The following VAV3 variants were observed in gnomAD, a reference collection of about 807,000 sequenced individuals.
VAV3 encodes the protein vav guanine nucleotide exchange factor 3.
VAV3 carries 94 observed loss-of-function variants against 131.2 expected under a neutral mutation model. That is an observed-to-expected ratio of 0.72 (90% CI 0.61 to 0.85). The LOEUF (loss-of-function observed/expected upper bound fraction) is 0.85, where lower values mean the gene tolerates loss of function less well. Ranked by LOEUF, VAV3 falls within the 40% of genes least tolerant of loss-of-function variation. The pLI is 0.00. For missense variants in VAV3, 939 were observed against 1,002.7 expected (o/e 0.94, Z 0.86); for synonymous variants, 349 against 342.0 (o/e 1.02, Z -0.22).
rs117505667 is a variant in VAV3 at position 107,663,063 on chromosome 1, G to A, written c.1778-20308C>T. On this transcript the variant is annotated intron_variant, in intron 19 of 26. Transcript: ENST00000370056. ...GAATTTATGTTTTAAGAATATATGC[G>A]GTAAATCCACATTCTTGTATAAACC... Among the ~76,000 whole-genome samples, 141 of 152,082 alleles carry A rather than the reference G, an allele frequency of 9.3e-4. 2 individuals are homozygous for A. The East Asian group carries it at 0.025, about 27-fold the overall frequency.
chr1:107,602,072 C>T (rs943294669), intron 24 of VAV3, among the ~76,000 whole-genome samples: 1 of 151,918 alleles, frequency 6.6e-6, no homozygotes, highest in Non-Finnish European at 1.5e-5. Context: ...AAAATACTGT[C>T]CTCTGCCTGA....
At chr1:107,898,812 C>T (rs1222655047) in intron 1 of VAV3, among the ~76,000 whole-genome samples, 1 of 151,978 alleles carries the variant, frequency 6.6e-6, no homozygotes, top group Non-Finnish European at 1.5e-5. Context: ...AAAAACAAAA[C>T]ATCTTTTAAA....
intron 2 of VAV3, among the ~76,000 whole-genome samples, chr1:107,826,083 T>C (rs1667997687): frequency 6.6e-6 from 1 of 152,182 alleles, no homozygotes. Context: ...TCTCCACTTG[T>C]ACAAGTTTAT....
intron 15 of VAV3, among the ~76,000 whole-genome samples, chr1:107,731,663 G>T (rs913411756): frequency 2.0e-5 from 3 of 152,120 alleles, no homozygotes; most frequent in African/African-American, 7.2e-5. Flanking sequence ...TACAGTGAAA[G>T]CTAACCAAAG....
chr1:107,918,703 A>AT (rs765085890), intron 1 of VAV3, among the ~76,000 whole-genome samples: 51 of 119,882 alleles, frequency 4.3e-4, no homozygotes, highest in African/African-American at 9.2e-4. Flanking sequence ...ATATATATAT[A>AT]TATTTTTTTT....
chr1:107,596,376 G>C (rs1651386979), intron 24 of VAV3, 35 bp from the exon 25 acceptor site: 1 of 1,607,450 alleles, frequency 6.2e-7, no homozygotes, highest in Middle Eastern at 1.7e-4. Context: ...TTTTTGATAA[G>C]GATACTTTTG....
At chr1:107,868,949 G>A (rs1212041174) in intron 2 of VAV3, among the ~76,000 whole-genome samples, 1 of 152,084 alleles carries the variant, frequency 6.6e-6, no homozygotes, top group Non-Finnish European at 1.5e-5. Flanking sequence ...CACTTCACAG[G>A]GTGTCACTAG....
intron 1 of VAV3, among the ~76,000 whole-genome samples, chr1:107,908,161 T>C (rs1376863184): frequency 6.6e-6 from 1 of 152,180 alleles, no homozygotes; most frequent in East Asian, 1.9e-4. Flanking sequence ...GGATTTTGGC[T>C]TAGGTTCTGT....
chr1:107,597,226 T>TAAAAAAAAAAAAAA (rs11294561), intron 24 of VAV3, among the ~76,000 whole-genome samples: 1 of 137,992 alleles, frequency 7.2e-6, no homozygotes, highest in Admixed American at 7.2e-5. Flanking sequence ...AAATAAAAAA[T>TAAAAAAAAAAAAAA]AAAAAAAAAA....
chr1:107,805,874 T>C (rs1350838362), intron 2 of VAV3, among the ~76,000 whole-genome samples: 1 of 152,144 alleles, frequency 6.6e-6, no homozygotes, highest in Non-Finnish European at 1.5e-5. Flanking sequence ...GATGGAACCT[T>C]AAACCCAGGT....
intron 15 of VAV3, among the ~76,000 whole-genome samples, chr1:107,725,588 C>T (rs1371070693): frequency 6.6e-6 from 1 of 152,108 alleles, no homozygotes; most frequent in East Asian, 1.9e-4. Flanking sequence ...AATCTTGGCT[C>T]ACTGCAACCT....
chr1:107,739,974 A>C (rs957441196), intron 15 of VAV3, among the ~76,000 whole-genome samples: 1 of 152,220 alleles, frequency 6.6e-6, no homozygotes, highest in Non-Finnish European at 1.5e-5. Context: ...TCAAGAGCAC[A>C]AAGAGCATCA....
rs1398601597 is a variant in VAV3, at chr1:107,717,501, G to T, written c.1503-12440C>A. Among the ~76,000 whole-genome samples, 3 of 152,100 alleles carry T rather than the reference G, an allele frequency of 2.0e-5. 1 individual carries two copies. The highest frequency in any genetic ancestry group is 1.3e-4 in the Admixed American group (2 of 15,268). On this transcript the variant is annotated intron_variant, in intron 15 of 26. Coordinates refer to ENST00000370056, the MANE Select transcript of VAV3 (RefSeq NM_006113.5). ...TGCCTTCAGTTTCTAATTTACCCAG[G>T]AGTCATTCAGGAGCAGGTTGTTCAG... is the stretch of plus-strand genomic sequence containing the variant.
intron 2 of VAV3, chr1:107,785,318 C>T (rs1421965054): frequency 1.1e-5 from 9 of 830,902 alleles, no homozygotes; most frequent in South Asian, 1.8e-5. Context: ...CAAAAAGTTG[C>T]TAATTAATTA....
intron 2 of VAV3, among the ~76,000 whole-genome samples, chr1:107,822,429 C>T (rs1343950927): frequency 6.6e-6 from 1 of 151,824 alleles, no homozygotes; most frequent in Admixed American, 6.6e-5. Flanking sequence ...CCAAGGCAGG[C>T]GGATCACGAG....
At chr1:107,687,971 G>C (rs1040695056) in intron 18 of VAV3, among the ~76,000 whole-genome samples, 4 of 152,216 alleles carry the variant, frequency 2.6e-5, no homozygotes, top group Non-Finnish European at 5.9e-5. Context: ...TAGAAACATG[G>C]AACCATAATC....
intron 1 of VAV3, among the ~76,000 whole-genome samples, chr1:107,949,702 A>C (rs745598762): frequency 6.6e-6 from 1 of 152,176 alleles, no homozygotes; most frequent in African/African-American, 2.4e-5. Flanking sequence ...GGATGAATTA[A>C]TTGCTATATT....
chr1:107,891,437 G>A (rs1298293025), intron 1 of VAV3, among the ~76,000 whole-genome samples: 2 of 151,792 alleles, frequency 1.3e-5, no homozygotes, highest in African/African-American at 4.8e-5. Context: ...ACACACGCAC[G>A]ATATACAGGG....
At chr1:107,894,585 A>G (rs922069858) in intron 1 of VAV3, among the ~76,000 whole-genome samples, 3 of 152,236 alleles carry the variant, frequency 2.0e-5, no homozygotes, top group African/African-American at 7.2e-5. Context: ...CCCAAAAAGA[A>G]AAAGATAAAG....
Sources: gnomAD v4.1 joint callset for allele counts (sites outside exome capture counted in the v4.1 genomes callset) on GRCh38, gnomAD v4.1.1 for gene constraint, MANE v1.5 for transcripts, NCBI Gene and HGNC (gene_info 2026-07-23, HGNC 2026-07-21) for gene names.